The following GRIK4 variants were observed in gnomAD, a reference collection of about 807,000 sequenced individuals.
The protein encoded by GRIK4 is glutamate ionotropic receptor kainate type subunit 4.
A neutral mutation model predicts 104.9 loss-of-function variants in GRIK4; 40 were observed. The observed-to-expected ratio is 0.38, with a 90% confidence interval of 0.30 to 0.50. The LOEUF (loss-of-function observed/expected upper bound fraction) is 0.50, where lower values mean the gene tolerates loss of function less well. Among genes scored for constraint, GRIK4 ranks in the 20% least tolerant of loss-of-function variants. GRIK4 has a pLI of 0.93. For synonymous variants in GRIK4, 485 were observed against 524.9 expected, an observed-to-expected ratio of 0.92 and a Z score of 1.04; for missense variants, 1,047 against 1,308.1, an observed-to-expected ratio of 0.80 and a Z score of 3.08.
intron 20 of GRIK4, among the ~76,000 whole-genome samples, chr11:120,984,874 A>C (rs1040445391): frequency 3.5e-5 from 5 of 143,140 alleles, no homozygotes; most frequent in African/African-American, 1.0e-4. Flanking sequence ...CCAAGCTGGA[A>C]TGGAGTGCAG....
chr11:120,798,318 C>T (rs929837274), intron 3 of GRIK4, among the ~76,000 whole-genome samples: 3 of 151,824 alleles, frequency 2.0e-5, no homozygotes, highest in Admixed American at 1.3e-4. Flanking sequence ...GACACCACAC[C>T]TGGCTATTTT....
intron 3 of GRIK4, among the ~76,000 whole-genome samples, chr11:120,783,114 A>C (rs758327108): frequency 2.0e-5 from 3 of 152,170 alleles, no homozygotes; most frequent in Non-Finnish European, 2.9e-5. Flanking sequence ...AACTCCCTAC[A>C]ATGCAGACAG....
At chr11:120,972,010 T>G (rs1944483514) in intron 19 of GRIK4, among the ~76,000 whole-genome samples, 1 of 152,244 alleles carries the variant, frequency 6.6e-6, no homozygotes, top group Admixed American at 6.5e-5. Flanking sequence ...AGCAGCCTAC[T>G]TGTTCAGAAT....
chr11:120,609,153 G>T (rs1322792169), intron 1 of GRIK4, among the ~76,000 whole-genome samples: 2 of 152,158 alleles, frequency 1.3e-5, no homozygotes, highest in Admixed American at 6.5e-5. Context: ...TCCTGCTTCA[G>T]TTGGGCCTGT....
chr11:120,581,798 A>G lies in GRIK4; in HGVS notation c.-159+69911A>G, dbSNP rs201304582. 4.0e-5 allele frequency among the ~76,000 whole-genome samples: 6 copies of G among 151,360 alleles called. No homozygotes were observed. The East Asian group carries it at 1.2e-3, about 29-fold the overall frequency. On this transcript the variant is annotated intron_variant, in intron 1 of 20. Coordinates refer to ENST00000527524, the MANE Select transcript of GRIK4 (RefSeq NM_014619.5). ...GTACTGTTTTATTTCAGTGAGTGGA[A>G]GATTTTTCTTTTTTTCTTTTTTTTT...
At chr11:120,739,063 G>A (rs889910032) in intron 3 of GRIK4, among the ~76,000 whole-genome samples, 1 of 152,180 alleles carries the variant, frequency 6.6e-6, no homozygotes, top group Non-Finnish European at 1.5e-5. Context: ...AATATAAAAA[G>A]AGCATTTGTA....
intron 17 of GRIK4, among the ~76,000 whole-genome samples, chr11:120,961,635 C>T (rs948616551): frequency 3.3e-5 from 5 of 152,154 alleles, no homozygotes; most frequent in Admixed American, 1.3e-4. Flanking sequence ...TTGCAAGGCT[C>T]AGGAGAAAGC....
intron 3 of GRIK4, among the ~76,000 whole-genome samples, chr11:120,733,137 G>C (rs976343861): frequency 6.6e-6 from 1 of 151,984 alleles, no homozygotes; most frequent in South Asian, 2.1e-4. Flanking sequence ...AATTTATTTT[G>C]TCTAATATAT....
intron 13 of GRIK4, among the ~76,000 whole-genome samples, chr11:120,933,525 A>G (rs967380511): frequency 6.6e-6 from 1 of 152,208 alleles, no homozygotes; most frequent in Admixed American, 6.5e-5. Flanking sequence ...AAAGTTGAAT[A>G]AATGACTTGT....
chr11:120,820,405 G>C (rs973436251), intron 6 of GRIK4, among the ~76,000 whole-genome samples: 1 of 152,208 alleles, frequency 6.6e-6, no homozygotes, highest in African/African-American at 2.4e-5. Flanking sequence ...TTTTGCTGAT[G>C]GAACAAGGTC....
chr11:120,885,030 T>C (rs1322156153), intron 11 of GRIK4, among the ~76,000 whole-genome samples: 1 of 152,270 alleles, frequency 6.6e-6, no homozygotes, highest in Non-Finnish European at 1.5e-5. Flanking sequence ...CGCAAAGTTG[T>C]GTTATTAATA....
intron 19 of GRIK4, among the ~76,000 whole-genome samples, chr11:120,974,747 G>A (rs1319312270): frequency 2.6e-5 from 4 of 152,168 alleles, no homozygotes; most frequent in Non-Finnish European, 2.9e-5. Flanking sequence ...CTCCCTGCCT[G>A]TAGCTGGGTG....
In GRIK4 at chr11:120,956,985, G is replaced by C. The variant is rs139916312; in HGVS notation, c.1874+32G>C. 1.3e-4 allele frequency: 198 copies of C among 1,541,552 alleles called. 1 individual carries two copies. The African/African-American group carries it at 2.4e-3, about 19-fold the overall frequency. ...CCCCAGGCAGAGGTGAACCAGGCCA[G>C]GTGGGGTGGGGACACAAAAGGGGCC... On this transcript the variant is annotated intron_variant, in intron 16 of 20. Coordinates refer to ENST00000527524, the MANE Select transcript of GRIK4 (RefSeq NM_014619.5). The surrounding 1 kb of genome is among the most constrained non-coding windows in gnomAD (Gnocchi z 4.6).
chr11:120,864,945 C>T (rs187571627), intron 9 of GRIK4, among the ~76,000 whole-genome samples: 119 of 152,328 alleles, frequency 7.8e-4, no homozygotes, highest in African/African-American at 2.8e-3. Context: ...ACGTAACCCC[C>T]GTGGGCCGCA....
intron 20 of GRIK4, among the ~76,000 whole-genome samples, chr11:120,985,619 G>C: frequency 8.7e-6 from 1 of 114,430 alleles, no homozygotes; most frequent in Admixed American, 1.0e-4. Context: ...GCATTTAATG[G>C]AAATGTGCAA....
At chr11:120,877,187 C>G (rs1414607442) in intron 11 of GRIK4, among the ~76,000 whole-genome samples, 1 of 152,206 alleles carries the variant, frequency 6.6e-6, no homozygotes, top group African/African-American at 2.4e-5. Flanking sequence ...TGTATAATTT[C>G]TCAAATGAGA....
chr11:120,858,569 T>C (rs1954178115), intron 8 of GRIK4: 1 of 152,216 alleles, frequency 6.6e-6, no homozygotes, highest in South Asian at 2.1e-4. Context: ...TTTCAGCCTT[T>C]AATATGCTAG....
chr11:120,542,327 A>G (rs1299119656), intron 1 of GRIK4, among the ~76,000 whole-genome samples: 3 of 152,260 alleles, frequency 2.0e-5, no homozygotes, highest in Admixed American at 2.0e-4. Context: ...TGACTTAAAC[A>G]TAATACCTGA....
chr11:120,968,347 A>G (rs1051925941), intron 19 of GRIK4, among the ~76,000 whole-genome samples: 4 of 152,340 alleles, frequency 2.6e-5, no homozygotes, highest in Admixed American at 6.5e-5. Flanking sequence ...ACAATAAATC[A>G]TATGGTCACG....
Sources: allele counts gnomAD v4.1 joint callset (sites outside exome capture counted in the v4.1 genomes callset), GRCh38; gene constraint gnomAD v4.1.1; non-coding constraint Gnocchi (gnomAD v3.1); transcripts MANE v1.5; gene names NCBI Gene and HGNC (gene_info 2026-07-23, HGNC 2026-07-21).